BDP1: variants seen among roughly 807,000 people sequenced by gnomAD.
BDP1 encodes the protein transcription factor TFIIIB component B'' homolog.
In BDP1, 169 loss-of-function variants were observed where a neutral mutation model predicts 266.6. That is an observed-to-expected ratio of 0.63 (90% CI 0.56 to 0.72). The LOEUF (loss-of-function observed/expected upper bound fraction) is 0.72, where lower values mean the gene tolerates loss of function less well. Among genes scored for constraint, BDP1 ranks in the 30% least tolerant of loss-of-function variants. The pLI is 0.00. For synonymous variants in BDP1, 1,090 were observed against 1,022.4 expected (o/e 1.07, Z -1.26); for missense variants, 3,015 against 3,053.8 (o/e 0.99, Z 0.30).
At chr5:71,497,544 A>G (rs1345207898) in intron 13 of BDP1, 118 bp downstream of exon 13, 4 of 705,118 alleles carry the variant, frequency 5.7e-6, no homozygotes, top group Middle Eastern at 3.1e-4. Context: ...AAACAGATAC[A>G]AGAACTTACA....
intron 34 of BDP1, among the ~76,000 whole-genome samples, chr5:71,552,789 C>T (rs942256664): frequency 2.6e-5 from 4 of 152,298 alleles, no homozygotes; most frequent in South Asian, 2.1e-4. Context: ...AGCTTCGGCT[C>T]GGCATCAGAG....
At chr5:71,525,845 G>C (rs1238803868) in intron 25 of BDP1, among the ~76,000 whole-genome samples, 1 of 151,280 alleles carries the variant, frequency 6.6e-6, no homozygotes, top group Non-Finnish European at 1.5e-5. Flanking sequence ...AGACGGTGTG[G>C]CTGCCGGGCG....
rs953581128 is a variant in BDP1 at position 71,466,519 on chromosome 5, A to C, written c.785+298A>C. Among the ~76,000 whole-genome samples the C allele has an allele frequency of 2.6e-5, 4 of 152,166 alleles. No homozygotes were observed. The East Asian group carries it at 7.7e-4, about 29-fold the overall frequency. ...ACTAATCATATGCTGTCTTCCACTG[A>C]GGATAAATTTCTAAGATTGACACAG... is the stretch of plus-strand genomic sequence containing the variant. On this transcript the variant is annotated intron_variant, in intron 5 of 38. Coordinates refer to ENST00000358731, the MANE Select transcript of BDP1 (RefSeq NM_018429.3).
At chr5:71,460,253 G>A (rs1229815752) in intron 2 of BDP1, among the ~76,000 whole-genome samples, 1 of 152,154 alleles carries the variant, frequency 6.6e-6, no homozygotes, top group Non-Finnish European at 1.5e-5. Flanking sequence ...GGTGGTGCAC[G>A]CCTGTAATCC....
chr5:71,552,003 A>AC (rs1485217714), intron 34 of BDP1, among the ~76,000 whole-genome samples: 3 of 111,576 alleles, frequency 2.7e-5, no homozygotes, highest in Admixed American at 8.9e-5. Context: ...GCGAGGGCTG[A>AC]CCCCCACCTC....
At chr5:71,559,408 C>A (rs1467390179) in intron 36 of BDP1, among the ~76,000 whole-genome samples, 3 of 152,196 alleles carry the variant, frequency 2.0e-5, no homozygotes, top group African/African-American at 7.2e-5. Context: ...TTCATTCTCC[C>A]TTCACAGAGC....
At chr5:71,465,083 G>A (rs1761823609) in intron 4 of BDP1, among the ~76,000 whole-genome samples, 1 of 151,730 alleles carries the variant, frequency 6.6e-6, no homozygotes, top group South Asian at 2.1e-4. Context: ...GCCCAGGCTG[G>A]TGGTCTTGAA....
In BDP1 at chr5:71,464,040, G is replaced by GT; in HGVS notation, c.600-16dup. The GT allele has an allele frequency of 7.1e-7, 1 of 1,402,308 alleles. No homozygotes were observed. Among genetic ancestry groups the GT allele is most frequent in the South Asian group, 1.3e-5 (1 of 75,956 alleles). The allele number at this position is 1,402,308 out of a possible 1,614,324, so 86.9% of individuals were successfully genotyped here. On this transcript the variant is annotated splice_polypyrimidine_tract_variant and intron_variant, in intron 3 of 38. Transcript: ENST00000358731. ...AAATTAATAATTTATTAAAGATATT[G>GT]TTATTTATGTTCAATAGTTCTTCAC...
intron 7 of BDP1, among the ~76,000 whole-genome samples, chr5:71,471,210 T>A (rs920398573): frequency 1.3e-4 from 19 of 147,884 alleles, no homozygotes; most frequent in African/African-American, 4.5e-4. Context: ...TGGTGCGATA[T>A]CGGCTCACTG....
rs770763919 is a variant in BDP1, at chr5:71,553,255, C to T, written c.7135C>T (p.His2379Tyr). ...TCAATGCAGGCTTGATAAAAATGACCACATTCCTCCTGCCAAAAAACGTTC... is the reference window on the plus strand; with the variant it reads ...TCAATGCAGGCTTGATAAAAATGACTACATTCCTCCTGCCAAAAAACGTTC... ...RFQCRLDKND[H>Y]IPPAKKRSLT... The change falls in exon 35 of 39, where the codon CAC becomes TAC. Residue 2379 changes from histidine (H) to tyrosine (Y), a missense_variant. Transcript: ENST00000358731. 6.2e-6 allele frequency: 10 copies of T among 1,613,018 alleles called. No individual in the cohort carries two copies. Among genetic ancestry groups the T allele is most frequent in the Non-Finnish European group, 8.5e-6 (10 of 1,179,902 alleles).
At position 71,548,754 on chromosome 5, in the gene BDP1, A is replaced by G. The variant is rs1742517934; in HGVS notation, c.6808+9A>G. On this transcript the variant is annotated intron_variant, in intron 33 of 38. Transcript: ENST00000358731. ...TCCTCAAGACCTAACAGGTATGATA[A>G]TATGCTTCAGTGACATGTCATAGAA... 1 of 1,566,266 alleles carries G rather than the reference A, an allele frequency of 6.4e-7. No homozygotes were observed. The highest frequency in any genetic ancestry group is 8.8e-7 in the Non-Finnish European group (1 of 1,139,308).
chr5:71,519,834 G>T (rs1241595160), intron 22 of BDP1, among the ~76,000 whole-genome samples: 5 of 152,186 alleles, frequency 3.3e-5, no homozygotes, highest in African/African-American at 1.2e-4. Flanking sequence ...ACACCTGGCA[G>T]TAGGATGGCT....
chr5:71,501,673 T>C lies in BDP1; in HGVS notation c.2048+20T>C. 1.8e-6 allele frequency: 1 copy of C among 544,678 alleles called. No individual in the cohort carries two copies. The highest frequency in any genetic ancestry group is 3.0e-6 in the Non-Finnish European group (1 of 335,092). 33.7% of individuals were successfully genotyped at this position (544,678 alleles called of 1,614,324 possible). ...ATCTGTGTGAGTATTCAGGAAGTAGTAAAAAAAAAAAAAAAAAAAAGTAAC... is the reference window on the plus strand; with the variant it reads ...ATCTGTGTGAGTATTCAGGAAGTAGCAAAAAAAAAAAAAAAAAAAAGTAAC... On this transcript the variant is annotated intron_variant, in intron 14 of 38. Transcript: ENST00000358731.
Position 71,560,188 on chromosome 5 carries a change from T to G in BDP1, c.7447T>G (p.Ser2483Ala). 1 of 1,614,130 alleles carries G rather than the reference T, an allele frequency of 6.2e-7. No homozygotes were observed. The highest frequency in any genetic ancestry group is 8.5e-7 in the Non-Finnish European group (1 of 1,179,988). The change falls in exon 37 of 39, where the codon TCT becomes GCT. Residue 2483 changes from serine (S) to alanine (A), a missense_variant. This residue lies in a region of BDP1 where 629 missense variants were observed against 632.5 expected (regional missense o/e 0.99). Coordinates refer to ENST00000358731, the MANE Select transcript of BDP1 (RefSeq NM_018429.3). Reference sequence around the variant, plus strand: ...AGAAAGAACTGATGCTGCTCCTAAGTCTCAGCAAATGGATAGCAGAACATC... The same window carrying G: ...AGAAAGAACTGATGCTGCTCCTAAGGCTCAGCAAATGGATAGCAGAACATC... ...KEERTDAAPK[S>A]QQMDSRTSSS...
At chr5:71,537,149 C>CAAA (rs70992979) in intron 26 of BDP1, among the ~76,000 whole-genome samples, 42 of 82,414 alleles carry the variant, frequency 5.1e-4, no homozygotes, top group East Asian at 1.7e-3. Flanking sequence ...ACCAAAAAAC[C>CAAA]AAAAAAAAAA....
intron 35 of BDP1, among the ~76,000 whole-genome samples, chr5:71,554,384 C>T (rs541693801): frequency 6.6e-6 from 1 of 152,112 alleles, no homozygotes; most frequent in South Asian, 2.1e-4. Context: ...TCTTTTTTCC[C>T]AGTTTGTCAT....
chr5:71,508,234 G>A (rs1764689372), intron 16 of BDP1, among the ~76,000 whole-genome samples: 1 of 152,108 alleles, frequency 6.6e-6, no homozygotes, highest in South Asian at 2.1e-4. Flanking sequence ...CAAAATGCTG[G>A]GATTACAGGC....
chr5:71,509,840 A>G lies in BDP1; in HGVS notation c.2748A>G (p.Pro916=), dbSNP rs1257543327. ...GREICLREKT[P]EVIDATEEID... is the part of the protein sequence containing the mutation. Reference sequence around the variant, plus strand: ...AGATTTGTCTAAGGGAGAAGACGCCAGAGGTGATTGATGCCACTGAGGAAA... The same window carrying G: ...AGATTTGTCTAAGGGAGAAGACGCCGGAGGTGATTGATGCCACTGAGGAAA... The change falls in exon 17 of 39, where the codon CCA becomes CCG. Residue 916 remains proline, a synonymous_variant. Transcript: ENST00000358731. 6.8e-6 allele frequency: 11 copies of G among 1,614,156 alleles called. No homozygotes were observed. Among genetic ancestry groups the G allele is most frequent in the African/African-American group, 1.3e-5 (1 of 75,058 alleles).
chr5:71,521,294 T>G (rs1342614059), intron 22 of BDP1, among the ~76,000 whole-genome samples: 1 of 149,498 alleles, frequency 6.7e-6, no homozygotes, highest in South Asian at 2.1e-4. Context: ...TATATTAGTT[T>G]TTTTTTTTTT....
Sources: gnomAD v4.1 joint callset for allele counts (sites outside exome capture counted in the v4.1 genomes callset) on GRCh38, gnomAD v4.1.1 for gene constraint, gnomAD v4.1.1 regional missense constraint, MANE v1.5 for transcripts, NCBI Gene and HGNC (gene_info 2026-07-23, HGNC 2026-07-21) for gene names.